MS4A2: variants seen among roughly 807,000 people sequenced by gnomAD.
MS4A2 encodes the protein high affinity immunoglobulin epsilon receptor subunit beta.
MS4A2 carries 26 observed loss-of-function variants against 27.9 expected under a neutral mutation model. That is an observed-to-expected ratio of 0.93 (90% CI 0.68 to 1.29). MS4A2 has a LOEUF of 1.29. Among genes scored for constraint, MS4A2 ranks in the 50% most tolerant of loss-of-function variants. The pLI is 0.00. For synonymous variants in MS4A2, 110 were observed against 98.8 expected, an observed-to-expected ratio of 1.11 and a Z score of -0.67; for missense variants, 284 against 284.6, an observed-to-expected ratio of 1.00 and a Z score of 0.01.
chr11:60,090,615 G>T (rs1855743091), intron 3 of MS4A2, 145 bp downstream of exon 3: 36 of 722,132 alleles, frequency 5.0e-5, no homozygotes, highest in Middle Eastern at 4.0e-4. Flanking sequence ...ATATAACATA[G>T]ATATGCTCAT....
chr11:60,089,868 G>T, intron 2 of MS4A2, 47 bp downstream of exon 2: 1 of 1,610,624 alleles, frequency 6.2e-7, no homozygotes. Context: ...GTTGGGTCTA[G>T]AAAAGAATAT....
chr11:60,098,124 C>T lies in MS4A2; in HGVS notation c.*2468C>T, dbSNP rs907634426. ...CATCATTGACTACATATTTCTTATA[C>T]ACAACACACAATTTATGAATTTTTT... On this transcript the variant is annotated 3_prime_UTR_variant, in exon 7 of 7. Coordinates refer to ENST00000278888, the MANE Select transcript of MS4A2 (RefSeq NM_000139.5). 2 of 152,180 alleles carry T rather than the reference C, an allele frequency of 1.3e-5. No homozygotes were observed. The highest frequency in any genetic ancestry group is 4.8e-5 in the African/African-American group (2 of 41,428). The allele number at this position is 152,180 out of a possible 1,614,324, so 9.4% of individuals were successfully genotyped here.
chr11:60,095,829 C>A lies in MS4A2; in HGVS notation c.*173C>A. On this transcript the variant is annotated 3_prime_UTR_variant, in exon 7 of 7. Coordinates refer to ENST00000278888, the MANE Select transcript of MS4A2 (RefSeq NM_000139.5). ...TGCTGCTTCTGTCCACCTTAATATT[C>A]TCCTTCTATTTGTAGATATGATAGA... 1 of 632,906 alleles carries A rather than the reference C, an allele frequency of 1.6e-6. No homozygotes were observed. The highest frequency in any genetic ancestry group is 2.8e-6 in the Non-Finnish European group (1 of 353,112). The allele number at this position is 632,906 out of a possible 1,614,324, so 39.2% of individuals were successfully genotyped here.
chr11:60,091,889 A>G (rs1855765773), intron 3 of MS4A2, among the ~76,000 whole-genome samples: 2 of 152,182 alleles, frequency 1.3e-5, no homozygotes, highest in South Asian at 2.1e-4. Flanking sequence ...CAAACTCACA[A>G]TCTGAGTCTT....
rs1205694685 is a variant in MS4A2 at position 60,098,322 on chromosome 11, C to T, written c.*2666C>T. 3.3e-5 allele frequency: 5 copies of T among 152,140 alleles called. No individual in the cohort carries two copies. The highest frequency in any genetic ancestry group is 4.8e-5 in the African/African-American group (2 of 41,424). The allele number at this position is 152,140 out of a possible 1,614,324, so 9.4% of individuals were successfully genotyped here. On this transcript the variant is annotated 3_prime_UTR_variant, in exon 7 of 7. Coordinates refer to ENST00000278888, the MANE Select transcript of MS4A2 (RefSeq NM_000139.5). ...TCCATGAAGACCACTGAATGAACAC[C>T]TTTTCATCCAGCCTTAATTTCTTGC...
chr11:60,095,509 G>C (rs369848218), intron 6 of MS4A2, 49 bp from the exon 7 acceptor site: 146 of 1,205,320 alleles, frequency 1.2e-4, no homozygotes, highest in Non-Finnish European at 1.6e-4. Context: ...AGACTTCTAG[G>C]GATGGGAAAT....
chr11:60,095,470 A>G, intron 6 of MS4A2, 88 bp from the exon 7 acceptor site: 1 of 832,052 alleles, frequency 1.2e-6, no homozygotes, highest in Non-Finnish European at 2.1e-6. Context: ...CCAGAAAGAC[A>G]AAAGTAGATG....
chr11:60,090,612 A>G, intron 3 of MS4A2, 142 bp downstream of exon 3: 1 of 734,860 alleles, frequency 1.4e-6, no homozygotes, highest in Non-Finnish European at 2.1e-6. Context: ...CATATATAAC[A>G]TAGATATGCT....
Position 60,098,233 on chromosome 11 carries a change from G to A in MS4A2, c.*2577G>A, listed in dbSNP as rs1020034968. The A allele has an allele frequency of 3.3e-5, 5 of 152,036 alleles. 1 individual carries two copies. The highest frequency in any genetic ancestry group is 1.3e-4 in the Admixed American group (2 of 15,270). 9.4% of individuals were successfully genotyped at this position (152,036 alleles called of 1,614,324 possible). A position where few individuals can be genotyped will look rare whatever the true frequency, so the allele number is the denominator to read the frequency against. Reference sequence around the variant, plus strand: ...AGGCAGACACAGAGCACAATGCTGGGGTTCTCTTCACACTATCACTGCCCC... The same window carrying A: ...AGGCAGACACAGAGCACAATGCTGGAGTTCTCTTCACACTATCACTGCCCC... On this transcript the variant is annotated 3_prime_UTR_variant, in exon 7 of 7. Transcript: ENST00000278888.
chr11:60,089,201 T>G (rs1855711675), intron 1 of MS4A2, among the ~76,000 whole-genome samples: 1 of 152,224 alleles, frequency 6.6e-6, no homozygotes. Context: ...GATTGGTCTT[T>G]ATAATCCATA....
intron 3 of MS4A2, 88 bp downstream of exon 3, chr11:60,090,558 A>G: frequency 8.3e-7 from 1 of 1,207,074 alleles, no homozygotes; most frequent in Admixed American, 2.0e-5. Flanking sequence ...TATTCCCAGT[A>G]TTAACATGAT....
At chr11:60,092,940 A>G (rs1855793177) in intron 4 of MS4A2, 92 bp downstream of exon 4, 3 of 1,226,504 alleles carry the variant, frequency 2.4e-6, no homozygotes, top group Non-Finnish European at 2.4e-6. Context: ...TTTGTCTCCT[A>G]TATTACTTGT....
At position 60,094,020 on chromosome 11, in the gene MS4A2, A is replaced by G; in HGVS notation, c.594A>G (p.Ser198=). Residue 198 remains serine, a synonymous_variant, in exon 6 of 7, where the codon TCA becomes TCG. Coordinates refer to ENST00000278888, the MANE Select transcript of MS4A2 (RefSeq NM_000139.5). ...TTCTGGGACTTGGTAGTGCTGTGTC[A>G]CTCACAATCTGTGGAGCTGGGGAAG... The part of the protein sequence containing the change: ...LTILGLGSAV[S]LTICGAGEEL... 2 of 1,614,068 alleles carry G rather than the reference A, an allele frequency of 1.2e-6. No individual in the cohort carries two copies. Among genetic ancestry groups the G allele is most frequent in the Non-Finnish European group, 8.5e-7 (1 of 1,179,952 alleles).
Position 60,090,205 on chromosome 11 carries a change from C to T in MS4A2, c.187-131C>T, listed in dbSNP as rs1202929057. On this transcript the variant is annotated intron_variant, in intron 2 of 6. Transcript: ENST00000278888. The stretch of plus-strand genomic sequence containing the variant: ...GGCTAGGGTATCCTGGAAAATCTTA[C>T]GTGTGGATCATTTCTCAGGACAGTC... The T allele has an allele frequency of 2.7e-5, 25 of 940,826 alleles. 1 individual carries two copies. The South Asian group carries it at 3.1e-4, about 12-fold the overall frequency. 58.3% of individuals were successfully genotyped at this position (940,826 alleles called of 1,614,324 possible). A position where few individuals can be genotyped will look rare whatever the true frequency, so the allele number is the denominator to read the frequency against.
In MS4A2 at chr11:60,096,300, C is replaced by T. The variant is rs888104163; in HGVS notation, c.*644C>T. On this transcript the variant is annotated 3_prime_UTR_variant, in exon 7 of 7. Coordinates refer to ENST00000278888, the MANE Select transcript of MS4A2 (RefSeq NM_000139.5). ...AAGTGGGGAATTTTATTAAGTTACT[C>T]GTTGTCTGGGGAGGTAAATAGGTTA... 22 of 152,206 alleles carry T rather than the reference C, an allele frequency of 1.4e-4. No homozygotes were observed. Among genetic ancestry groups the T allele is most frequent in the Non-Finnish European group, 2.6e-4 (18 of 68,202 alleles). 9.4% of individuals were successfully genotyped at this position (152,206 alleles called of 1,614,324 possible).
At chr11:60,090,531 A>G in intron 3 of MS4A2, 61 bp downstream of exon 3, 2 of 1,498,502 alleles carry the variant, frequency 1.3e-6, no homozygotes, top group Non-Finnish European at 1.8e-6. Context: ...TCTCTTTCTC[A>G]GATCTAACCA....
rs770967061 is a variant in MS4A2, at chr11:60,093,504, C to A, written c.483C>A (p.Ile161=). 13 of 1,614,072 alleles carry A rather than the reference C, an allele frequency of 8.1e-6. No homozygotes were observed. The Admixed American group carries it at 2.2e-4, about 27-fold the overall frequency. ...NLKKSLAYIH[I]HSCQKFFETK... ...AGAAGAGCTTGGCCTATATCCACAT[C>A]CACAGTTGCCAGAAATTTTTTGAGA... The change falls in exon 5 of 7, where the codon ATC becomes ATA. Residue 161 remains isoleucine, a synonymous_variant. Transcript: ENST00000278888.
chr11:60,094,641 C>G (rs11230139), intron 6 of MS4A2, among the ~76,000 whole-genome samples: 1,793 of 152,264 alleles, frequency 0.012, 42 homozygotes, highest in African/African-American at 0.041. Context: ...TCAAGTCTAG[C>G]CACCTTTTAA....
At position 60,095,689 on chromosome 11, in the gene MS4A2, C is replaced by T; in HGVS notation, c.*33C>T. 1.4e-6 allele frequency: 2 copies of T among 1,458,332 alleles called. No homozygotes were observed. The highest frequency in any genetic ancestry group is 1.4e-5 in the African/African-American group (1 of 71,632). 90.3% of individuals were successfully genotyped at this position (1,458,332 alleles called of 1,614,324 possible). On this transcript the variant is annotated 3_prime_UTR_variant, in exon 7 of 7. Coordinates refer to ENST00000278888, the MANE Select transcript of MS4A2 (RefSeq NM_000139.5). ...GTGTCCAGAACACTCTGATTCACAG[C>T]CAAGGATCCAGAAGGCCAAGGTCTT... is the stretch of plus-strand genomic sequence containing the variant.
Sources: gnomAD v4.1 joint callset for allele counts (sites outside exome capture counted in the v4.1 genomes callset) on GRCh38, gnomAD v4.1.1 for gene constraint, MANE v1.5 for transcripts, NCBI Gene and HGNC (gene_info 2026-07-23, HGNC 2026-07-21) for gene names.